The following NFATC1 variants were observed in gnomAD, a reference collection of about 807,000 sequenced individuals.
NFATC1 encodes nuclear factor of activated T cells 1, also known as nuclear factor of activated T-cells, cytoplasmic 1.
NFATC1 carries 22 observed loss-of-function variants against 76.0 expected under a neutral mutation model. That is an observed-to-expected ratio of 0.29 (90% CI 0.21 to 0.41). The LOEUF (loss-of-function observed/expected upper bound fraction) is 0.41, where lower values mean the gene tolerates loss of function less well. NFATC1 is among the 10% of genes least tolerant of loss of function. The pLI is 1.00. For missense variants in NFATC1, 1,357 were observed against 1,337.7 expected (o/e 1.01, Z -0.23); for synonymous variants, 704 against 613.1 (o/e 1.15, Z -2.19).
At chr18:79,504,594 G>A (rs552460878) in intron 9 of NFATC1, among the ~76,000 whole-genome samples, 43 of 152,376 alleles carry the variant, frequency 2.8e-4, no homozygotes, top group African/African-American at 9.6e-4. Flanking sequence ...TTATTGAAAC[G>A]TGACACAGAG....
At chr18:79,521,124 G>A (rs1250521155) in intron 9 of NFATC1, among the ~76,000 whole-genome samples, 51 of 74,010 alleles carry the variant, frequency 6.9e-4, no homozygotes, top group Admixed American at 1.4e-3. Context: ...GGGGGCGTCT[G>A]CTGATGTGTG....
chr18:79,481,017 T>G (rs1569014298), intron 8 of NFATC1, among the ~76,000 whole-genome samples: 1 of 152,236 alleles, frequency 6.6e-6, no homozygotes, highest in Non-Finnish European at 1.5e-5. Context: ...ACCAGCATCT[T>G]CTGAGCGGGA....
chr18:79,490,426 G>A (rs1208164124), intron 9 of NFATC1, among the ~76,000 whole-genome samples: 1 of 151,776 alleles, frequency 6.6e-6, no homozygotes, highest in Non-Finnish European at 1.5e-5. Flanking sequence ...CTCTGGGTTA[G>A]GGCAGGGTGG....
chr18:79,472,965 C>G (rs1416578667), intron 8 of NFATC1, among the ~76,000 whole-genome samples: 1 of 152,236 alleles, frequency 6.6e-6, no homozygotes, highest in Non-Finnish European at 1.5e-5. Context: ...ACGCAGACGA[C>G]CCACACTCCA....
In NFATC1 at chr18:79,410,814, G is replaced by A. The variant is rs1032564535; in HGVS notation, c.539G>A (p.Arg180Gln). 1.4e-5 allele frequency: 23 copies of A among 1,612,092 alleles called. No homozygotes were observed. Among genetic ancestry groups the A allele is most frequent in the African/African-American group, 4.0e-5 (3 of 74,908 alleles). The change falls in exon 2 of 10, where the codon CGG becomes CAG. Residue 180 changes from arginine to glutamine, a missense_variant. Coordinates refer to ENST00000427363, the MANE Select transcript of NFATC1 (RefSeq NM_001278669.2). The surrounding 1 kb of genome is among the most constrained non-coding windows in gnomAD (Gnocchi z 6.7). The stretch of plus-strand genomic sequence containing the variant: ...AGCCCGGCCAGCAGCCTGTCCTCCC[G>A]GAGCTGCAACTCAGAGGCCTCCTCC... ...CLSPASSLSS[R>Q]SCNSEASSYE...
chr18:79,433,841 G>T, intron 3 of NFATC1, 103 bp downstream of exon 3: 2 of 1,419,606 alleles, frequency 1.4e-6, no homozygotes, highest in Non-Finnish European at 1.9e-6. Flanking sequence ...AGCCAGGCCA[G>T]CTGAATGCTC....
At chr18:79,481,787 C>T (rs923212362) in intron 8 of NFATC1, among the ~76,000 whole-genome samples, 1 of 150,346 alleles carries the variant, frequency 6.7e-6, no homozygotes. Flanking sequence ...TGACCTGGTC[C>T]TGGGGTGTCA....
intron 6 of NFATC1, among the ~76,000 whole-genome samples, chr18:79,460,987 A>G (rs546117058): frequency 1.3e-5 from 2 of 152,224 alleles, no homozygotes; most frequent in Non-Finnish European, 2.9e-5. Flanking sequence ...AGGCCAGCAG[A>G]TGCAGGGCCA....
Position 79,469,108 on chromosome 18 carries a change from G to A in NFATC1, c.2092+1526G>A, listed in dbSNP as rs149097354. ...CCCTGGGGTTTACGTGGTCTGTGCC[G>A]CCCACACTTAGTGAGTCCAGCCCAT... On this transcript the variant is annotated intron_variant, in intron 8 of 9. Transcript: ENST00000427363. 4.3e-3 allele frequency: 794 copies of A among 185,260 alleles called. 11 individuals carry two copies. Among genetic ancestry groups the A allele is most frequent in the African/African-American group, 0.017 (733 of 42,068 alleles). The allele number at this position is 185,260 out of a possible 1,614,324, so 11.5% of individuals were successfully genotyped here.
chr18:79,440,836 C>T (rs1045493228), intron 3 of NFATC1, among the ~76,000 whole-genome samples: 7 of 152,392 alleles, frequency 4.6e-5, no homozygotes, highest in African/African-American at 1.7e-4. Flanking sequence ...TGAGGAGCTG[C>T]TGGGCGGGAC....
intron 9 of NFATC1, among the ~76,000 whole-genome samples, chr18:79,514,086 G>C (rs541549757): frequency 6.6e-6 from 1 of 152,254 alleles, no homozygotes; most frequent in Admixed American, 6.5e-5. Context: ...GCTGTGAGCC[G>C]GTCCAGGTGT....
intron 1 of NFATC1, chr18:79,400,512 G>T: frequency 7.2e-7 from 1 of 1,382,990 alleles, no homozygotes. Flanking sequence ...GGGGGGCGCG[G>T]GGCCAGGTCG....
At chr18:79,460,202 C>T (rs1035944451) in intron 6 of NFATC1, among the ~76,000 whole-genome samples, 1 of 152,168 alleles carries the variant, frequency 6.6e-6, no homozygotes, top group Non-Finnish European at 1.5e-5. Flanking sequence ...CAGCCCGGCA[C>T]TGTAACAGAG....
intron 1 of NFATC1, among the ~76,000 whole-genome samples, chr18:79,399,908 T>C (rs1285943490): frequency 6.6e-6 from 1 of 151,826 alleles, no homozygotes; most frequent in Non-Finnish European, 1.5e-5. Flanking sequence ...GGCGCGCACG[T>C]GGCGCTCGGG....
intron 1 of NFATC1, among the ~76,000 whole-genome samples, chr18:79,399,764 G>A (rs1330336789): frequency 2.6e-5 from 4 of 152,042 alleles, no homozygotes; most frequent in Non-Finnish European, 5.9e-5. Flanking sequence ...GCCTCCTGCA[G>A]GGGGTTGCAG....
chr18:79,443,912 C>T (rs1600727556), intron 3 of NFATC1, among the ~76,000 whole-genome samples: 1 of 152,306 alleles, frequency 6.6e-6, no homozygotes, highest in Non-Finnish European at 1.5e-5. Flanking sequence ...TCCCTGCCTG[C>T]CAGGGCTCAT....
chr18:79,454,545 G>T (rs1600763924), intron 6 of NFATC1, among the ~76,000 whole-genome samples: 1 of 152,300 alleles, frequency 6.6e-6, no homozygotes, highest in African/African-American at 2.4e-5. Flanking sequence ...GTCCCTCTGG[G>T]ATGCTCCAGC....
intron 8 of NFATC1, among the ~76,000 whole-genome samples, chr18:79,483,658 TTCCAGCGTGACCTTGTCCTGGGGTGTCAC>T (rs2089396870): frequency 3.1e-5 from 4 of 130,050 alleles, no homozygotes; most frequent in Middle Eastern, 5.3e-3. Flanking sequence ...TGGGGTGTAA[TTCCAGCGTGACCTTGTCCTGGGGTGTCAC>T]TCCAGCGTGA....
At chr18:79,406,860 C>A (rs1234290777) in intron 1 of NFATC1, among the ~76,000 whole-genome samples, 1 of 151,872 alleles carries the variant, frequency 6.6e-6, no homozygotes, top group Admixed American at 6.6e-5. Flanking sequence ...AGCCACGGCT[C>A]CGCGGGTCTT....
Sources: allele counts gnomAD v4.1 joint callset (sites outside exome capture counted in the v4.1 genomes callset), GRCh38; gene constraint gnomAD v4.1.1; non-coding constraint Gnocchi (gnomAD v3.1); transcripts MANE v1.5; gene names NCBI Gene and HGNC (gene_info 2026-07-23, HGNC 2026-07-21).